The following APOBEC2 variants were observed in gnomAD, a reference collection of about 807,000 sequenced individuals.
APOBEC2 encodes the protein apolipoprotein B mRNA editing enzyme catalytic subunit 2.
In APOBEC2, 14 loss-of-function variants were observed where a neutral mutation model predicts 19.4. That is an observed-to-expected ratio of 0.72 (90% confidence interval 0.48 to 1.13). The LOEUF is 1.13. Ranked by LOEUF, APOBEC2 falls within the 50% of genes most tolerant of loss-of-function variation. The pLI is 0.00. For missense variants in APOBEC2, 304 were observed against 277.0 expected (o/e 1.10, Z -0.69); for synonymous variants, 127 against 112.1 (o/e 1.13, Z -0.84).
chr6:41,061,880 GGCTTT>G lies in APOBEC2; in HGVS notation c.*12_*16del. The G allele has an allele frequency of 6.2e-7, 1 of 1,607,352 alleles. No individual in the cohort carries two copies. Among genetic ancestry groups the G allele is most frequent in the Admixed American group, 1.7e-5 (1 of 59,504 alleles). On this transcript the variant is annotated 3_prime_UTR_variant, in exon 2 of 3. Transcript: ENST00000244669. The stretch of plus-strand genomic sequence containing the variant: ...CAGACATCCTGAAGTAGGGCAACTG[GGCTTT>G]GCCTCACGTGAGTTTTCCTGGTGCC...
chr6:41,053,622 G>T (rs1762758272), intron 1 of APOBEC2, 144 bp downstream of exon 1: 1 of 1,255,210 alleles, frequency 8.0e-7, no homozygotes, highest in Non-Finnish European at 1.1e-6. Flanking sequence ...GGCCCGGCAG[G>T]GGTGGTAGGG....
rs1561837856 is a variant in APOBEC2, at chr6:41,061,363, T to A, written c.167T>A (p.Phe56Tyr). 6.5e-7 allele frequency: 1 copy of A among 1,537,028 alleles called. No individual in the cohort carries two copies. Among genetic ancestry groups the A allele is most frequent in the Non-Finnish European group, 8.7e-7 (1 of 1,143,052 alleles). The change falls in exon 2 of 3, where the codon TTC (phenylalanine) becomes TAC (tyrosine). Residue 56 changes from phenylalanine (F) to tyrosine (Y), a missense_variant. By Grantham distance (22) the Phe-to-Tyr change is conservative (BLOSUM62 3). Transcript: ENST00000244669. ...CCTGCCAACTTCTTTAAATTCCAGT[T>A]CCGGAATGTGGAGTACAGTTCCGGG... The part of the protein sequence containing the change: ...RLPANFFKFQ[F>Y]RNVEYSSGRN...
intron 1 of APOBEC2, among the ~76,000 whole-genome samples, chr6:41,058,899 A>G (rs1289837916): frequency 6.6e-6 from 1 of 152,184 alleles, no homozygotes; most frequent in African/African-American, 2.4e-5. Flanking sequence ...TTCCTGAGGC[A>G]TCTAGTCCAG....
chr6:41,062,835 C>T (rs1762892222), intron 2 of APOBEC2, among the ~76,000 whole-genome samples: 1 of 152,174 alleles, frequency 6.6e-6, no homozygotes, highest in South Asian at 2.1e-4. Context: ...ATCTTTTTTA[C>T]ATTTAGTCTG....
rs1762754657 is a variant in APOBEC2, at chr6:41,053,356, G to A, written c.9G>A (p.Gln3=). The A allele has an allele frequency of 1.2e-5, 20 of 1,613,384 alleles. No homozygotes were observed. Among genetic ancestry groups the A allele is most frequent in the Non-Finnish European group, 1.6e-5 (19 of 1,179,962 alleles). The change falls in exon 1 of 3, where the codon CAG becomes CAA. Residue 3 remains glutamine (Q), a synonymous_variant. Transcript: ENST00000244669. MA[Q]KEEAAVATEA... is the part of the protein sequence containing the mutation. ...TGAGCCACAGCCCCTCCATGGCCCA[G>A]AAGGAAGAGGCTGCTGTGGCCACTG...
chr6:41,062,612 A>G (rs1171365675), intron 2 of APOBEC2, among the ~76,000 whole-genome samples: 1 of 152,252 alleles, frequency 6.6e-6, no homozygotes, highest in African/African-American at 2.4e-5. Flanking sequence ...CCATGCAGGA[A>G]CATTTAAAGA....
At chr6:41,062,706 A>G (rs1015015575) in intron 2 of APOBEC2, among the ~76,000 whole-genome samples, 45 of 152,356 alleles carry the variant, frequency 3.0e-4, no homozygotes, top group African/African-American at 1.1e-3. Flanking sequence ...AAGATTAGCT[A>G]TTTAAGCAAA....
At chr6:41,055,006 T>C (rs1762776574) in intron 1 of APOBEC2, among the ~76,000 whole-genome samples, 1 of 152,176 alleles carries the variant, frequency 6.6e-6, no homozygotes, top group Non-Finnish European at 1.5e-5. Context: ...CTTACATTTG[T>C]CCAGGGCTTT....
intron 1 of APOBEC2, among the ~76,000 whole-genome samples, chr6:41,059,599 A>C (rs1454012467): frequency 6.6e-6 from 1 of 152,204 alleles, no homozygotes; most frequent in East Asian, 1.9e-4. Flanking sequence ...TAGAGAGCTA[A>C]GTATAGTACC....
rs185386572 is a variant in APOBEC2, at chr6:41,053,605, A to G, written c.131+127A>G. 2,470 of 1,411,622 alleles carry G rather than the reference A, an allele frequency of 1.7e-3. 2 individuals are homozygous for G. Among genetic ancestry groups the G allele is most frequent in the Non-Finnish European group, 1.9e-3 (2,051 of 1,052,230 alleles). 87.4% of individuals were successfully genotyped at this position (1,411,622 alleles called of 1,614,324 possible). A position where few individuals can be genotyped will look rare whatever the true frequency, so the allele number is the denominator to read the frequency against. On this transcript the variant is annotated intron_variant, in intron 1 of 2. Transcript: ENST00000244669. ...TACAACCCTGCAGCAGTGAGAGTGC[A>G]CCAGTGGGCCCGGCAGGGGTGGTAG...
chr6:41,059,814 G>C (rs1476435628), intron 1 of APOBEC2, among the ~76,000 whole-genome samples: 1 of 152,196 alleles, frequency 6.6e-6, no homozygotes, highest in Non-Finnish European at 1.5e-5. Context: ...GGGATACCAG[G>C]GATTCCCCTG....
Position 41,061,471 on chromosome 6 carries a change from A to T in APOBEC2, c.275A>T (p.Asp92Val). The change falls in exon 2 of 3, where the codon GAT becomes GTT. Residue 92 changes from aspartate (D) to valine (V), a missense_variant. Transcript: ENST00000244669. ...CAGGCATCTCGGGGATACCTAGAGG[A>T]TGAGCATGCGGCTGCCCATGCAGAG... ...QVQASRGYLE[D>V]EHAAAHAEEA... is the part of the protein sequence containing the mutation. The T allele has an allele frequency of 6.2e-7, 1 of 1,613,882 alleles. No homozygotes were observed. Among genetic ancestry groups the T allele is most frequent in the Non-Finnish European group, 8.5e-7 (1 of 1,179,880 alleles).
intron 1 of APOBEC2, among the ~76,000 whole-genome samples, chr6:41,056,880 C>T (rs1168306552): frequency 1.3e-5 from 2 of 152,100 alleles, no homozygotes; most frequent in Non-Finnish European, 2.9e-5. Context: ...GATCCAGCAA[C>T]ACTAGATTTA....
chr6:41,060,149 A>T (rs924398464), intron 1 of APOBEC2, among the ~76,000 whole-genome samples: 1 of 152,004 alleles, frequency 6.6e-6, no homozygotes, highest in Non-Finnish European at 1.5e-5. Flanking sequence ...TCTCCTTGTT[A>T]TTACCAAAAT....
At chr6:41,057,255 TA>T (rs1402241786) in intron 1 of APOBEC2, among the ~76,000 whole-genome samples, 3 of 152,088 alleles carry the variant, frequency 2.0e-5, no homozygotes, top group Admixed American at 1.3e-4. Flanking sequence ...CGACACCAGT[TA>T]ACACCAGCCA....
chr6:41,053,328 T>C lies in APOBEC2; in HGVS notation c.-20T>C. ...TGCCTCTCTCCTCTCCCTCAGTGAC[T>C]CCTGAGCCACAGCCCCTCCATGGCC... On this transcript the variant is annotated 5_prime_UTR_variant, in exon 1 of 3. Coordinates refer to ENST00000244669, the MANE Select transcript of APOBEC2 (RefSeq NM_006789.4). 1 of 1,610,568 alleles carries C rather than the reference T, an allele frequency of 6.2e-7. No homozygotes were observed. The highest frequency in any genetic ancestry group is 2.2e-5 in the East Asian group (1 of 44,846).
At chr6:41,062,110 C>T (rs1762885287) in intron 2 of APOBEC2, among the ~76,000 whole-genome samples, 1 of 152,188 alleles carries the variant, frequency 6.6e-6, no homozygotes, top group Admixed American at 6.5e-5. Context: ...AGTAACTTTC[C>T]CCTAACTTAG....
At chr6:41,056,797 G>C (rs1184493344) in intron 1 of APOBEC2, among the ~76,000 whole-genome samples, 1 of 152,150 alleles carries the variant, frequency 6.6e-6, no homozygotes, top group East Asian at 1.9e-4. Context: ...GTGGTTCTTA[G>C]GCTCTCTGTC....
At chr6:41,055,771 G>T (rs1412847436) in intron 1 of APOBEC2, among the ~76,000 whole-genome samples, 1 of 152,208 alleles carries the variant, frequency 6.6e-6, no homozygotes, top group Non-Finnish European at 1.5e-5. Context: ...ATGGTAGAAT[G>T]TTCTGGAAAA....
Sources: gnomAD v4.1 joint callset for allele counts (sites outside exome capture counted in the v4.1 genomes callset) on GRCh38, gnomAD v4.1.1 for gene constraint, MANE v1.5 for transcripts, NCBI Gene and HGNC (gene_info 2026-07-23, HGNC 2026-07-21) for gene names.